PLA1A: variants seen among roughly 807,000 people sequenced by gnomAD.
The protein encoded by PLA1A is phospholipase A1 member A.
Under a neutral mutation model 49.4 loss-of-function variants are expected in PLA1A, and 47 were observed. The ratio of observed to expected loss-of-function variants is 0.95; its 90% CI spans 0.75 to 1.21. PLA1A has a LOEUF of 1.21. Among genes scored for constraint, PLA1A ranks in the 50% most tolerant of loss-of-function variants. The probability of loss-of-function intolerance (pLI) is 0.00; values close to 1 mark genes in which losing one functional copy is unlikely to be tolerated. For synonymous variants in PLA1A, 224 were observed against 207.9 expected (o/e 1.08, Z -0.67); for missense variants, 561 against 563.9 (o/e 0.99, Z 0.05).
Position 119,609,439 on chromosome 3 carries a change from C to G in PLA1A, c.454-29C>G, listed in dbSNP as rs752346981. ...TGAAGCCAGCAGACTCTGTGGCCCACGGGGAACTCACTGTTCCTGCTCTTC... is the reference window on the plus strand; with the variant it reads ...TGAAGCCAGCAGACTCTGTGGCCCAGGGGGAACTCACTGTTCCTGCTCTTC... On this transcript the variant is annotated intron_variant, in intron 3 of 10. Transcript: ENST00000273371. 10 of 1,380,718 alleles carry G rather than the reference C, an allele frequency of 7.2e-6. No individual in the cohort carries two copies. In the Admixed American group the frequency reaches 1.3e-4, roughly 18 times the overall value. 85.5% of individuals were successfully genotyped at this position (1,380,718 alleles called of 1,614,324 possible).
chr3:119,622,126 GA>G (rs1321933724), intron 8 of PLA1A, among the ~76,000 whole-genome samples: 1 of 150,158 alleles, frequency 6.7e-6, no homozygotes, highest in African/African-American at 2.5e-5. Flanking sequence ...AGAAGGAGAA[GA>G]AGAGGAAGAG....
chr3:119,617,489 T>C (rs180682151), intron 6 of PLA1A, among the ~76,000 whole-genome samples: 19 of 152,176 alleles, frequency 1.2e-4, no homozygotes, highest in Non-Finnish European at 1.3e-4. Flanking sequence ...ACACCTGTAA[T>C]CTCAGCACTC....
chr3:119,612,334 T>C (rs937792413), intron 4 of PLA1A, among the ~76,000 whole-genome samples: 1 of 152,192 alleles, frequency 6.6e-6, no homozygotes, highest in Non-Finnish European at 1.5e-5. Flanking sequence ...CAGTAATCAC[T>C]GTGTTATGAT....
intron 5 of PLA1A, among the ~76,000 whole-genome samples, chr3:119,614,742 T>TAAA (rs11403395): frequency 6.7e-6 from 1 of 148,656 alleles, no homozygotes; most frequent in African/African-American, 2.5e-5. Context: ...TGATGTGACT[T>TAAA]AAAAAAAAAA....
intron 1 of PLA1A, among the ~76,000 whole-genome samples, chr3:119,599,749 T>A (rs2082589997): frequency 6.6e-6 from 1 of 152,194 alleles, no homozygotes; most frequent in African/African-American, 2.4e-5. Context: ...TTTCCTTGCC[T>A]GGTCTTCTTG....
intron 8 of PLA1A, among the ~76,000 whole-genome samples, chr3:119,621,411 T>C (rs1018260835): frequency 6.6e-6 from 1 of 152,132 alleles, no homozygotes; most frequent in Non-Finnish European, 1.5e-5. Flanking sequence ...AGCGGAGTCC[T>C]CCCTGCTCTC....
rs200441851 is a variant in PLA1A, at chr3:119,609,424, A to C, written c.454-44A>C. ...GAAAGCCTGCCACTGTGAAGCCAGC[A>C]GACTCTGTGGCCCACGGGGAACTCA... On this transcript the variant is annotated intron_variant, in intron 3 of 10. Transcript: ENST00000273371. The C allele has an allele frequency of 6.5e-6, 8 of 1,230,670 alleles. No individual in the cohort carries two copies. In the East Asian group the frequency reaches 1.6e-4, roughly 25 times the overall value. The allele number at this position is 1,230,670 out of a possible 1,614,324, so 76.2% of individuals were successfully genotyped here.
At chr3:119,626,124 C>A (rs1467587797) in intron 9 of PLA1A, among the ~76,000 whole-genome samples, 1 of 152,112 alleles carries the variant, frequency 6.6e-6, no homozygotes, top group Non-Finnish European at 1.5e-5. Context: ...CCAATACAAC[C>A]CTAGGCTAGA....
In PLA1A at chr3:119,620,168, A is replaced by C. The variant is rs114359305; in HGVS notation, c.1012+516A>C. The C allele has an allele frequency of 6.9e-4, 317 of 456,644 alleles. 3 individuals are homozygous for C. Among genetic ancestry groups the C allele is most frequent in the African/African-American group, 5.7e-3 (286 of 50,196 alleles). The allele number at this position is 456,644 out of a possible 1,614,324, so 28.3% of individuals were successfully genotyped here. ...GTAACGATGTTAAATGTGAAGTAAA[A>C]ATGTGTCCAGAATCCATGAAATACA... On this transcript the variant is annotated intron_variant, in intron 8 of 10. Transcript: ENST00000273371.
chr3:119,598,706 A>T (rs1209545466), intron 1 of PLA1A: 3 of 152,290 alleles, frequency 2.0e-5, no homozygotes, highest in African/African-American at 7.2e-5. Flanking sequence ...TGGACATTTA[A>T]TTCTCATTCC....
At chr3:119,614,142 T>C (rs1365902153) in intron 5 of PLA1A, among the ~76,000 whole-genome samples, 1 of 152,212 alleles carries the variant, frequency 6.6e-6, no homozygotes, top group Non-Finnish European at 1.5e-5. Context: ...CACATCTCAT[T>C]TCCTGTGGTC....
intron 1 of PLA1A, among the ~76,000 whole-genome samples, chr3:119,605,631 C>T (rs775760457): frequency 1.4e-4 from 22 of 152,318 alleles, no homozygotes; most frequent in Non-Finnish European, 2.4e-4. Flanking sequence ...CTGTGTTCTG[C>T]GGGTCAGCAT....
chr3:119,613,498 C>G (rs2082798074), intron 5 of PLA1A, among the ~76,000 whole-genome samples: 1 of 152,186 alleles, frequency 6.6e-6, no homozygotes, highest in Non-Finnish European at 1.5e-5. Flanking sequence ...GTGCCTGGTC[C>G]CAAGGTACTG....
intron 6 of PLA1A, among the ~76,000 whole-genome samples, chr3:119,617,677 AG>A (rs1450961322): frequency 1.3e-5 from 2 of 151,868 alleles, no homozygotes; most frequent in Non-Finnish European, 2.9e-5. Flanking sequence ...CAGGAGGCAG[AG>A]GTTGCAGTGG....
rs1436841125 is a variant in PLA1A at position 119,618,141 on chromosome 3, T to C, written c.877T>C (p.Cys293Arg). The C allele has an allele frequency of 6.8e-6, 11 of 1,614,046 alleles. No individual in the cohort carries two copies. The highest frequency in any genetic ancestry group is 8.5e-6 in the Non-Finnish European group (10 of 1,179,984). The change falls in exon 7 of 11, where the codon TGT becomes CGT. Residue 293 changes from cysteine to arginine, a missense_variant. By Grantham distance (180) the Cys-to-Arg change is radical. Transcript: ENST00000273371. ...CTACAAGGCCTTCCTTGCTGGACGC[T>C]GTCTGGATTGCTTTAACCCTTTTCT... is the stretch of plus-strand genomic sequence containing the variant. ...ASYKAFLAGR[C>R]LDCFNPFLLS...
At chr3:119,625,360 G>A (rs1304839258) in intron 9 of PLA1A, 128 bp downstream of exon 9, 8 of 630,742 alleles carry the variant, frequency 1.3e-5, no homozygotes, top group East Asian at 1.1e-4. Context: ...GGCTTGGCTG[G>A]GGGCAGCACC....
chr3:119,610,938 G>T (rs956391784), intron 4 of PLA1A, among the ~76,000 whole-genome samples: 1 of 152,184 alleles, frequency 6.6e-6, no homozygotes, highest in Non-Finnish European at 1.5e-5. Flanking sequence ...GATTTTTACA[G>T]TTCGAGGTCT....
chr3:119,621,680 C>A (rs1165182380), intron 8 of PLA1A, among the ~76,000 whole-genome samples: 1 of 152,188 alleles, frequency 6.6e-6, no homozygotes, highest in Non-Finnish European at 1.5e-5. Flanking sequence ...TTACCATGTC[C>A]TGTGTGATAA....
intron 9 of PLA1A, among the ~76,000 whole-genome samples, chr3:119,627,766 C>T (rs924443708): frequency 7.2e-5 from 11 of 152,210 alleles, no homozygotes; most frequent in Non-Finnish European, 1.0e-4. Flanking sequence ...CTCTGCTGGG[C>T]GCCCTCCTTG....
Sources: allele counts gnomAD v4.1 joint callset (sites outside exome capture counted in the v4.1 genomes callset), GRCh38; gene constraint gnomAD v4.1.1; transcripts MANE v1.5; gene names NCBI Gene and HGNC (gene_info 2026-07-23, HGNC 2026-07-21).